Variants in LCORL observed in about 807,000 individuals in gnomAD.
LCORL encodes the protein ligand dependent nuclear receptor corepressor like.
In LCORL, 41 loss-of-function variants were observed where a neutral mutation model predicts 141.8. That is an observed-to-expected ratio of 0.29 (90% CI 0.23 to 0.38). The LOEUF (loss-of-function observed/expected upper bound fraction) is 0.38. Among genes scored for constraint, LCORL ranks in the 10% least tolerant of loss-of-function variants. The pLI is 1.00. For synonymous variants in LCORL, 618 were observed against 694.1 expected (o/e 0.89, Z 1.72); for missense variants, 1,759 against 2,035.0 (o/e 0.86, Z 2.61).
intron 5 of LCORL, among the ~76,000 whole-genome samples, chr4:17,893,037 C>T (rs1729352370): frequency 6.6e-6 from 1 of 152,080 alleles, no homozygotes; most frequent in African/African-American, 2.4e-5. Flanking sequence ...TTTTAAAAAA[C>T]CTTTTATAAA....
Position 17,912,699 on chromosome 4 carries a change from T to A in LCORL, c.431-3354A>T, listed in dbSNP as rs115203298. The A allele has an allele frequency of 1.2e-3, 451 of 391,824 alleles. 1 individual carries two copies. Among genetic ancestry groups the A allele is most frequent in the African/African-American group, 8.4e-3 (405 of 48,104 alleles). The allele number at this position is 391,824 out of a possible 1,614,324, so 24.3% of individuals were successfully genotyped here. The stretch of plus-strand genomic sequence containing the variant: ...GTGGAGGCCTGCTATGCCCTGCAGA[T>A]GGAGTAGCTCAATGGGCTCCTCCTG... On this transcript the variant is annotated intron_variant, in intron 4 of 7. Transcript: ENST00000635767.
rs1725682313 is a variant in LCORL at position 18,021,857 on chromosome 4, G to C, written c.-106C>G. ...CCGGAGCGCGCGCCCCCCGGAGGGGGGTTGATTGACACGTGTCACTACCTT... is the reference window on the plus strand; with the variant it reads ...CCGGAGCGCGCGCCCCCCGGAGGGGCGTTGATTGACACGTGTCACTACCTT... On this transcript the variant is annotated 5_prime_UTR_variant, in exon 1 of 8. Transcript: ENST00000635767. This position sits in a 1 kb window ranked among gnomAD's most constrained non-coding sequence, Gnocchi z 5.5. 3 of 1,295,632 alleles carry C rather than the reference G, an allele frequency of 2.3e-6. No individual in the cohort carries two copies. Among genetic ancestry groups the C allele is most frequent in the African/African-American group, 1.6e-5 (1 of 63,406 alleles). The allele number at this position is 1,295,632 out of a possible 1,614,324, so 80.3% of individuals were successfully genotyped here.
At chr4:17,942,199 T>C (rs1277092082) in intron 4 of LCORL, among the ~76,000 whole-genome samples, 1 of 152,184 alleles carries the variant, frequency 6.6e-6, no homozygotes, top group Non-Finnish European at 1.5e-5. Context: ...AGCAAATATT[T>C]TGACAATAGA....
chr4:17,949,794 T>C (rs1205229575), intron 4 of LCORL, among the ~76,000 whole-genome samples: 3 of 152,078 alleles, frequency 2.0e-5, no homozygotes, highest in Non-Finnish European at 4.4e-5. Flanking sequence ...AGTAAAAGAG[T>C]TGAGTTTTAA....
At chr4:17,906,605 G>A (rs1191493857) in intron 5 of LCORL, among the ~76,000 whole-genome samples, 1 of 151,356 alleles carries the variant, frequency 6.6e-6, no homozygotes, top group Non-Finnish European at 1.5e-5. Context: ...CATGACTTGT[G>A]TTCTACATAT....
chr4:17,926,291 G>A (rs1335125216), intron 4 of LCORL, among the ~76,000 whole-genome samples: 2 of 150,178 alleles, frequency 1.3e-5, no homozygotes, highest in African/African-American at 5.1e-5. Context: ...GACTAGGAGA[G>A]GTAGATCCAC....
chr4:18,006,159 A>C (rs1722771008), intron 1 of LCORL, among the ~76,000 whole-genome samples: 1 of 152,178 alleles, frequency 6.6e-6, no homozygotes, highest in African/African-American at 2.4e-5. Flanking sequence ...TCAAGTTCAA[A>C]GTTCCACACA....
At position 18,021,853 on chromosome 4, in the gene LCORL, G is replaced by T. The variant is rs929686477; in HGVS notation, c.-102C>A. 1.5e-6 allele frequency: 2 copies of T among 1,329,336 alleles called. No homozygotes were observed. The highest frequency in any genetic ancestry group is 2.0e-6 in the Non-Finnish European group (2 of 1,023,534). The allele number at this position is 1,329,336 out of a possible 1,614,324, so 82.3% of individuals were successfully genotyped here. The stretch of plus-strand genomic sequence containing the variant: ...AGCCCCGGAGCGCGCGCCCCCCGGA[G>T]GGGGGTTGATTGACACGTGTCACTA... On this transcript the variant is annotated 5_prime_UTR_variant, in exon 1 of 8. Coordinates refer to ENST00000635767, the Ensembl canonical transcript of LCORL. The surrounding 1 kb of genome is among the most constrained non-coding windows in gnomAD (Gnocchi z 5.5).
At chr4:18,002,125 T>G (rs1264671891) in intron 1 of LCORL, among the ~76,000 whole-genome samples, 1 of 152,184 alleles carries the variant, frequency 6.6e-6, no homozygotes, top group African/African-American at 2.4e-5. Flanking sequence ...TTATTGTTAT[T>G]TCAACAACCA....
chr4:17,855,822 T>A (rs779395803), intron 7 of LCORL, among the ~76,000 whole-genome samples: 6 of 152,176 alleles, frequency 3.9e-5, no homozygotes, highest in African/African-American at 1.4e-4. Context: ...CACAGACTCA[T>A]GAATGAAATA....
At chr4:17,928,093 G>A (rs1476245594) in intron 4 of LCORL, among the ~76,000 whole-genome samples, 2 of 152,098 alleles carry the variant, frequency 1.3e-5, no homozygotes, top group Non-Finnish European at 2.9e-5. Context: ...AGAATTCCAG[G>A]TTGGTTTAAC....
chr4:17,888,295 G>T (rs1250186809), intron 5 of LCORL, among the ~76,000 whole-genome samples: 1 of 151,994 alleles, frequency 6.6e-6, no homozygotes, highest in African/African-American at 2.4e-5. Flanking sequence ...AAAGTACCTG[G>T]CACAGAGTAT....
intron 1 of LCORL, among the ~76,000 whole-genome samples, chr4:17,984,760 T>C (rs1234557097): frequency 2.0e-5 from 3 of 152,168 alleles, no homozygotes; most frequent in Admixed American, 6.5e-5. Context: ...TCAATCTTCA[T>C]CAGTTAAGCT....
chr4:17,876,048 A>G, exon 7 of LCORL: 3 of 1,231,080 alleles, frequency 2.4e-6, no homozygotes, highest in Non-Finnish European at 1.0e-6. Context: ...GGAAGTGCCA[A>G]CTGAAGTTAA....
At chr4:17,904,769 TTTTAA>T in intron 5 of LCORL, among the ~76,000 whole-genome samples, 1 of 152,156 alleles carries the variant, frequency 6.6e-6, no homozygotes, top group Non-Finnish European at 1.5e-5. Flanking sequence ...TAGCACCCTG[TTTTAA>T]TTACTGCACT....
At chr4:17,988,708 C>T (rs944213563) in intron 1 of LCORL, among the ~76,000 whole-genome samples, 2 of 152,096 alleles carry the variant, frequency 1.3e-5, no homozygotes, top group East Asian at 3.9e-4. Context: ...TGTTTCTGGC[C>T]GGGCGTGGCA....
intron 4 of LCORL, among the ~76,000 whole-genome samples, chr4:17,952,454 C>T (rs1411824176): frequency 3.5e-5 from 5 of 142,014 alleles, no homozygotes; most frequent in East Asian, 2.1e-4. Context: ...CTTGTTCTGT[C>T]GCCCAGGCTG....
chr4:17,889,657 A>G (rs1728804630), intron 5 of LCORL, among the ~76,000 whole-genome samples: 1 of 151,238 alleles, frequency 6.6e-6, no homozygotes, highest in Non-Finnish European at 1.5e-5. Flanking sequence ...AAAAGAAGAT[A>G]CTCCTAGGAT....
At chr4:17,916,177 T>A (rs1355713563) in intron 4 of LCORL, among the ~76,000 whole-genome samples, 1 of 152,210 alleles carries the variant, frequency 6.6e-6, no homozygotes, top group Non-Finnish European at 1.5e-5. Context: ...TAATTTTTGT[T>A]TTCTTACACA....
Sources: gnomAD v4.1 joint callset for allele counts (sites outside exome capture counted in the v4.1 genomes callset) on GRCh38, gnomAD v4.1.1 for gene constraint, Gnocchi (gnomAD v3.1) non-coding constraint, MANE v1.5 for transcripts, NCBI Gene and HGNC (gene_info 2026-07-23, HGNC 2026-07-21) for gene names.